SDK1: variants seen among roughly 807,000 people sequenced by gnomAD.
SDK1 encodes protein sidekick-1.
Under a neutral mutation model 245.5 loss-of-function variants are expected in SDK1, and 157 were observed. That is an observed-to-expected ratio of 0.64 (90% confidence interval 0.56 to 0.73). The LOEUF is 0.73. Ranked by LOEUF, SDK1 falls within the 30% of genes least tolerant of loss-of-function variation. The pLI is 0.00. For synonymous variants in SDK1, 1,647 were observed against 1,278.5 expected, an observed-to-expected ratio of 1.29 and a Z score of -6.15; for missense variants, 3,583 against 3,002.3, an observed-to-expected ratio of 1.19 and a Z score of -4.52.
intron 4 of SDK1, among the ~76,000 whole-genome samples, chr7:3,752,015 G>A (rs1779788371): frequency 6.6e-6 from 1 of 152,212 alleles, no homozygotes; most frequent in Non-Finnish European, 1.5e-5. Flanking sequence ...CAGCCAATGG[G>A]AAAAGTACTC....
chr7:4,213,143 G>A (rs1233045899), intron 38 of SDK1, among the ~76,000 whole-genome samples: 2 of 152,190 alleles, frequency 1.3e-5, no homozygotes, highest in Non-Finnish European at 2.9e-5. Flanking sequence ...GCTGGGTGCA[G>A]TGGCTCACAC....
chr7:3,935,505 A>G (rs1302021663), intron 5 of SDK1, among the ~76,000 whole-genome samples: 4 of 152,230 alleles, frequency 2.6e-5, no homozygotes, highest in Admixed American at 6.5e-5. Flanking sequence ...AATCGAGACT[A>G]TACACAGAAT....
At position 3,855,150 on chromosome 7, in the gene SDK1, C is replaced by G. The variant is rs561249439; in HGVS notation, c.847+33567C>G. Among the ~76,000 whole-genome samples the G allele has an allele frequency of 2.6e-5, 4 of 152,184 alleles. No homozygotes were observed. In the South Asian group the frequency reaches 6.2e-4, roughly 24 times the overall value. Reference sequence around the variant, plus strand: ...GAGCCCTTCACTCCCAGAAGATGATCTAGATAAGATCCTCAAGAGCACATC... The same window carrying G: ...GAGCCCTTCACTCCCAGAAGATGATGTAGATAAGATCCTCAAGAGCACATC... On this transcript the variant is annotated intron_variant, in intron 5 of 44. Transcript: ENST00000404826.
intron 1 of SDK1, among the ~76,000 whole-genome samples, chr7:3,531,245 T>C (rs868296952): frequency 6.6e-6 from 1 of 152,194 alleles, no homozygotes; most frequent in African/African-American, 2.4e-5. Flanking sequence ...TCGAGCATAT[T>C]TGGGGTTGAT....
At chr7:4,024,184 T>C (rs1418738672) in intron 17 of SDK1, among the ~76,000 whole-genome samples, 1 of 152,186 alleles carries the variant, frequency 6.6e-6, no homozygotes, top group Non-Finnish European at 1.5e-5. Context: ...TTAAAAGAAA[T>C]GGAAAAAACA....
At chr7:3,868,940 A>G (rs766343270) in intron 5 of SDK1, among the ~76,000 whole-genome samples, 1 of 152,222 alleles carries the variant, frequency 6.6e-6, no homozygotes, top group African/African-American at 2.4e-5. Context: ...GAGAAAATGT[A>G]AATGACTACA....
At chr7:4,066,068 C>T (rs1030854926) in intron 19 of SDK1, among the ~76,000 whole-genome samples, 4 of 152,140 alleles carry the variant, frequency 2.6e-5, no homozygotes, top group Non-Finnish European at 5.9e-5. Flanking sequence ...TGTTCCCTGC[C>T]TGGCGTGGAG....
intron 1 of SDK1, among the ~76,000 whole-genome samples, chr7:3,580,098 T>C (rs113106570): frequency 1.3e-5 from 2 of 151,904 alleles, no homozygotes; most frequent in African/African-American, 4.8e-5. Context: ...AGCCAAGAGA[T>C]CTCTACAAGG....
intron 1 of SDK1, among the ~76,000 whole-genome samples, chr7:3,351,280 CAT>C (rs1780652980): frequency 6.6e-6 from 1 of 152,014 alleles, no homozygotes; most frequent in East Asian, 1.9e-4. Context: ...TATATTGAGA[CAT>C]ATAAATAATA....
intron 35 of SDK1, among the ~76,000 whole-genome samples, chr7:4,193,100 A>AATATAAATATATTAAAATATATATAAT (rs1562413528): frequency 3.0e-5 from 4 of 135,452 alleles, no homozygotes; most frequent in African/African-American, 8.2e-5. Context: ...ATGTATATAT[A>AATATAAATATATTAAAATATATATAAT]ATATAAATAT....
chr7:3,587,410 G>A (rs1583198974), intron 1 of SDK1, among the ~76,000 whole-genome samples: 1 of 152,074 alleles, frequency 6.6e-6, no homozygotes, highest in Non-Finnish European at 1.5e-5. Context: ...GCAAAGTGGA[G>A]ACCCAGGCAA....
chr7:3,926,593 G>A (rs1405247940), intron 5 of SDK1, among the ~76,000 whole-genome samples: 4 of 152,102 alleles, frequency 2.6e-5, no homozygotes, highest in Admixed American at 1.3e-4. Flanking sequence ...TCCCCAGGCT[G>A]GTCTCGAACT....
chr7:3,863,104 G>A (rs960743060), intron 5 of SDK1, among the ~76,000 whole-genome samples: 2 of 152,180 alleles, frequency 1.3e-5, no homozygotes, highest in African/African-American at 4.8e-5. Flanking sequence ...AGGATGAGCA[G>A]AGGACTGCTG....
intron 1 of SDK1, among the ~76,000 whole-genome samples, chr7:3,391,344 A>G (rs1187652358): frequency 6.6e-6 from 1 of 152,166 alleles, no homozygotes; most frequent in Non-Finnish European, 1.5e-5. Context: ...TCCATTGTGC[A>G]GGACTTAGGA....
chr7:3,958,194 A>C, intron 7 of SDK1: 1 of 322,826 alleles, frequency 3.1e-6, no homozygotes. Flanking sequence ...GCCTTTTGTT[A>C]TCATGATAAT....
intron 38 of SDK1, 45 bp from the exon 39 acceptor site, chr7:4,220,064 C>A: frequency 6.3e-7 from 1 of 1,595,752 alleles, no homozygotes; most frequent in Middle Eastern, 1.7e-4. Flanking sequence ...ACAGTTGCTT[C>A]TCCAGGCTGA....
Position 3,659,916 on chromosome 7 carries a change from T to C in SDK1, c.713+17811T>C, listed in dbSNP as rs574893122. Among the ~76,000 whole-genome samples the C allele has an allele frequency of 3.3e-5, 5 of 152,310 alleles. No individual in the cohort carries two copies. In the East Asian group the frequency reaches 9.7e-4, roughly 29 times the overall value. On this transcript the variant is annotated intron_variant, in intron 4 of 44. Transcript: ENST00000404826. ...GATGTAGTGGAGTTAAGCTTCTTGC[T>C]TCTGATTAGAGCCCTTGGGGGAATC...
intron 1 of SDK1, among the ~76,000 whole-genome samples, chr7:3,593,374 A>G (rs1450160396): frequency 2.6e-5 from 4 of 152,100 alleles, no homozygotes; most frequent in Non-Finnish European, 5.9e-5. Context: ...ATAGTATGTG[A>G]TGCACATGAG....
At chr7:3,727,369 G>T (rs531212462) in intron 4 of SDK1, among the ~76,000 whole-genome samples, 1 of 152,208 alleles carries the variant, frequency 6.6e-6, no homozygotes, top group African/African-American at 2.4e-5. Context: ...TGGAGAGAAA[G>T]TCTGATGTTG....
Sources: gnomAD v4.1 joint callset for allele counts (sites outside exome capture counted in the v4.1 genomes callset) on GRCh38, gnomAD v4.1.1 for gene constraint, MANE v1.5 for transcripts, NCBI Gene and HGNC (gene_info 2026-07-23, HGNC 2026-07-21) for gene names.